The following LHFPL6 variants were observed in gnomAD, a reference collection of about 807,000 sequenced individuals.
The protein encoded by LHFPL6 is LHFPL tetraspan subfamily member 6, also known as LHFPL tetraspan subfamily member 6 protein.
LHFPL6 carries 9 observed loss-of-function variants against 20.6 expected under a neutral mutation model. The observed-to-expected ratio is 0.44, with a 90% confidence interval of 0.26 to 0.76. The LOEUF (loss-of-function observed/expected upper bound fraction) is 0.76, where lower values mean the gene tolerates loss of function less well. Ranked by LOEUF, LHFPL6 falls within the 30% of genes least tolerant of loss-of-function variation. LHFPL6 has a pLI of 0.20. For missense variants in LHFPL6, 218 were observed against 253.5 expected (o/e 0.86, Z 0.95); for synonymous variants, 105 against 98.7 (o/e 1.06, Z -0.38).
chr13:39,535,120 T>A (rs894544588), intron 2 of LHFPL6, among the ~76,000 whole-genome samples: 5 of 152,238 alleles, frequency 3.3e-5, no homozygotes, highest in African/African-American at 9.6e-5. Context: ...TCTCTGCGTA[T>A]CTCTGTCCAA....
intron 2 of LHFPL6, among the ~76,000 whole-genome samples, chr13:39,426,125 A>G (rs961648471): frequency 6.6e-6 from 1 of 152,234 alleles, no homozygotes; most frequent in African/African-American, 2.4e-5. Flanking sequence ...TCATCACCTC[A>G]AACAGAAATT....
chr13:39,598,441 T>G (rs1872833287), intron 2 of LHFPL6, among the ~76,000 whole-genome samples: 1 of 152,244 alleles, frequency 6.6e-6, no homozygotes, highest in Non-Finnish European at 1.5e-5. Context: ...AGAGGTGAGA[T>G]TCTGTAAAAC....
chr13:39,395,823 CT>C (rs746974161), intron 2 of LHFPL6, among the ~76,000 whole-genome samples: 2 of 152,170 alleles, frequency 1.3e-5, no homozygotes, highest in Non-Finnish European at 2.9e-5. Flanking sequence ...AAAATCAGCC[CT>C]CAGTCTGTGG....
chr13:39,439,629 A>C (rs1872059157), intron 2 of LHFPL6, among the ~76,000 whole-genome samples: 1 of 152,076 alleles, frequency 6.6e-6, no homozygotes, highest in African/African-American at 2.4e-5. Context: ...GCCTGGTGGG[A>C]GGTGATTGGA....
intron 2 of LHFPL6, among the ~76,000 whole-genome samples, chr13:39,444,099 T>C (rs7326414): frequency 0.45 from 68,588 of 151,998 alleles, 16,246 homozygotes; most frequent in East Asian, 0.83. Flanking sequence ...AAGAACTTCA[T>C]GGAATTATGT....
rs1593330536 is a variant in LHFPL6, at chr13:39,483,305, C to G, written c.386-104779G>C. Among the ~76,000 whole-genome samples the G allele has an allele frequency of 2.6e-5, 4 of 152,216 alleles. No homozygotes were observed. In the South Asian group the frequency reaches 8.3e-4, roughly 32 times the overall value. ...AAATGTGTACCCTCCTTGGCTATTT[C>G]TTTCTAAGGCTTGTGCTTGGAGCAA... is the stretch of plus-strand genomic sequence containing the variant. On this transcript the variant is annotated intron_variant, in intron 2 of 3. Transcript: ENST00000379589.
chr13:39,486,341 G>A (rs562440532), intron 2 of LHFPL6, among the ~76,000 whole-genome samples: 1 of 152,310 alleles, frequency 6.6e-6, no homozygotes, highest in South Asian at 2.1e-4. Context: ...CAGCAAGGCA[G>A]TTACTGTGTG....
chr13:39,403,746 T>C (rs1370826645), intron 2 of LHFPL6, among the ~76,000 whole-genome samples: 2 of 152,206 alleles, frequency 1.3e-5, no homozygotes, highest in Non-Finnish European at 1.5e-5. Flanking sequence ...TTAGGTGATG[T>C]TTAAGATATT....
intron 2 of LHFPL6, among the ~76,000 whole-genome samples, chr13:39,423,934 G>T (rs1426840688): frequency 6.6e-6 from 1 of 152,174 alleles, no homozygotes; most frequent in Non-Finnish European, 1.5e-5. Flanking sequence ...ATTCGACCCA[G>T]TAAAACCAAT....
intron 2 of LHFPL6, among the ~76,000 whole-genome samples, chr13:39,565,142 T>C (rs994723246): frequency 2.0e-5 from 3 of 152,024 alleles, no homozygotes; most frequent in Non-Finnish European, 4.4e-5. Flanking sequence ...TGTCCTGAAA[T>C]AAGCTTGCCA....
At chr13:39,383,547 T>C (rs1273425905) in intron 2 of LHFPL6, among the ~76,000 whole-genome samples, 2 of 152,316 alleles carry the variant, frequency 1.3e-5, no homozygotes, top group Non-Finnish European at 1.5e-5. Context: ...TCCATAACTG[T>C]AGTTCTACTG....
At chr13:39,470,288 T>C (rs1201374538) in intron 2 of LHFPL6, among the ~76,000 whole-genome samples, 1 of 152,180 alleles carries the variant, frequency 6.6e-6, no homozygotes, top group Non-Finnish European at 1.5e-5. Flanking sequence ...ATATGTTTAA[T>C]TTGTTAAGAA....
chr13:39,438,660 C>T (rs958410500), intron 2 of LHFPL6, among the ~76,000 whole-genome samples: 4 of 152,226 alleles, frequency 2.6e-5, no homozygotes, highest in Non-Finnish European at 4.4e-5. Flanking sequence ...GCCTCACTGC[C>T]CTCTGCAGAC....
intron 2 of LHFPL6, among the ~76,000 whole-genome samples, chr13:39,506,724 G>T (rs534389882): frequency 2.0e-5 from 3 of 152,100 alleles, no homozygotes; most frequent in South Asian, 2.1e-4. Context: ...ATAGGGAGGT[G>T]GGGGGGAAGG....
chr13:39,585,387 T>C (rs1872417513), intron 2 of LHFPL6, among the ~76,000 whole-genome samples: 1 of 152,242 alleles, frequency 6.6e-6, no homozygotes, highest in African/African-American at 2.4e-5. Flanking sequence ...GAGTACGTTT[T>C]GTGTGTCACG....
intron 2 of LHFPL6, among the ~76,000 whole-genome samples, chr13:39,528,478 G>A (rs188788046): frequency 3.3e-5 from 5 of 152,306 alleles, no homozygotes; most frequent in African/African-American, 1.2e-4. Context: ...GCATCCCAAA[G>A]AGCTCCAGTG....
chr13:39,525,684 C>G (rs1327949957), intron 2 of LHFPL6, among the ~76,000 whole-genome samples: 1 of 151,968 alleles, frequency 6.6e-6, no homozygotes, highest in Non-Finnish European at 1.5e-5. Context: ...GATGGCCAAG[C>G]CAAAGAAATG....
At chr13:39,514,769 G>C (rs901725740) in intron 2 of LHFPL6, among the ~76,000 whole-genome samples, 5 of 152,192 alleles carry the variant, frequency 3.3e-5, no homozygotes, top group Non-Finnish European at 7.3e-5. Context: ...ACATATAAAA[G>C]AAAGAGTTTA....
intron 2 of LHFPL6, among the ~76,000 whole-genome samples, chr13:39,421,520 T>C (rs1871485784): frequency 6.6e-6 from 1 of 152,220 alleles, no homozygotes; most frequent in East Asian, 1.9e-4. Flanking sequence ...CAGTCTACTG[T>C]TCCACTTTTT....
Sources: gnomAD v4.1 joint callset for allele counts (sites outside exome capture counted in the v4.1 genomes callset) on GRCh38, gnomAD v4.1.1 for gene constraint, MANE v1.5 for transcripts, NCBI Gene and HGNC (gene_info 2026-07-23, HGNC 2026-07-21) for gene names.